KCNN2: variants seen among roughly 807,000 people sequenced by gnomAD.
The protein encoded by KCNN2 is small conductance calcium-activated potassium channel protein 2.
KCNN2 carries 24 observed loss-of-function variants against 55.5 expected under a neutral mutation model. The observed-to-expected ratio is 0.43, with a 90% CI of 0.31 to 0.61. The LOEUF is 0.61. KCNN2 is among the 20% of genes least tolerant of loss of function. KCNN2 has a pLI of 0.08. For synonymous variants in KCNN2, 431 were observed against 336.1 expected (o/e 1.28, Z -3.09); for missense variants, 754 against 853.6 (o/e 0.88, Z 1.45).
In KCNN2 at chr5:114,290,116, C is replaced by T. The variant is rs368550849; in HGVS notation, c.-185+68551C>T. On this transcript the variant is annotated intron_variant, in intron 2 of 10. Transcript: ENST00000512097. ...TCTGGCCTTGGTATTGGTGTGGCCT[C>T]ATAGAATGAGTTAGAATATGTTCCC... Among the ~76,000 whole-genome samples, 194 of 152,240 alleles carry T rather than the reference C, an allele frequency of 1.3e-3. 3 individuals carry two copies. Among genetic ancestry groups the T allele is most frequent in the African/African-American group, 4.2e-3 (176 of 41,554 alleles).
chr5:114,059,432 G>C (rs1022722075), intron 1 of KCNN2, among the ~76,000 whole-genome samples: 21 of 152,192 alleles, frequency 1.4e-4, no homozygotes, highest in African/African-American at 5.1e-4. Context: ...TGAGCATATA[G>C]GTGATATAGT....
intron 2 of KCNN2, among the ~76,000 whole-genome samples, chr5:114,279,967 T>C (rs1311938761): frequency 6.6e-6 from 1 of 152,172 alleles, no homozygotes; most frequent in Non-Finnish European, 1.5e-5. Flanking sequence ...ACCTGTTGTT[T>C]CCTGACTTTT....
intron 2 of KCNN2, among the ~76,000 whole-genome samples, chr5:114,277,453 C>A (rs531619549): frequency 6.6e-6 from 1 of 152,266 alleles, no homozygotes; most frequent in East Asian, 1.9e-4. Flanking sequence ...GGTCCATTCT[C>A]CCCGTCACTT....
intron 1 of KCNN2, among the ~76,000 whole-genome samples, chr5:114,110,204 G>T (rs774569323): frequency 5.9e-5 from 9 of 151,990 alleles, no homozygotes; most frequent in African/African-American, 2.2e-4. Context: ...ATATTTTGTT[G>T]TATCAGCACA....
At chr5:114,276,184 G>C (rs1281541281) in intron 2 of KCNN2, among the ~76,000 whole-genome samples, 2 of 152,186 alleles carry the variant, frequency 1.3e-5, no homozygotes, top group African/African-American at 4.8e-5. Flanking sequence ...TTGCACAGTG[G>C]TCTGAGAGAC....
At position 114,395,902 on chromosome 5, in the gene KCNN2, C is replaced by CT. The variant is rs1413664006; in HGVS notation, c.1219-8533dup. ...CTTGAGTACTGTTTTGTTCTCTTCA[C>CT]TTTGTCTAATTTTTCCTTTGATCTC... On this transcript the variant is annotated intron_variant, in intron 2 of 7. Coordinates refer to ENST00000673685, the MANE Select transcript of KCNN2 (RefSeq NM_021614.4). Among the ~76,000 whole-genome samples, 7 of 152,258 alleles carry CT rather than the reference C, an allele frequency of 4.6e-5. No homozygotes were observed. In the East Asian group the frequency reaches 1.4e-3, roughly 29 times the overall value.
intron 1 of KCNN2, among the ~76,000 whole-genome samples, chr5:114,059,201 CAAAA>C (rs1400698987): frequency 6.6e-6 from 1 of 152,018 alleles, no homozygotes; most frequent in Non-Finnish European, 1.5e-5. Flanking sequence ...AGAGAGGAAA[CAAAA>C]GAAATTCCTG....
At chr5:114,242,675 G>A (rs1580653822) in intron 2 of KCNN2, among the ~76,000 whole-genome samples, 2 of 152,292 alleles carry the variant, frequency 1.3e-5, no homozygotes, top group Non-Finnish European at 2.9e-5. Context: ...AGGAAGGAAG[G>A]AAGCAAATCG....
intron 1 of KCNN2, among the ~76,000 whole-genome samples, chr5:114,080,569 A>G (rs527896007): frequency 1.2e-4 from 19 of 152,282 alleles, no homozygotes; most frequent in African/African-American, 4.6e-4. Flanking sequence ...ACTCGTTGAT[A>G]TATAATTATT....
At chr5:114,059,868 G>A (rs897119174) in intron 1 of KCNN2, among the ~76,000 whole-genome samples, 1 of 152,182 alleles carries the variant, frequency 6.6e-6, no homozygotes, top group Admixed American at 6.5e-5. Context: ...CATGGGTGAT[G>A]GGAGACAGTG....
chr5:114,300,555 T>A (rs1333430729), intron 2 of KCNN2, among the ~76,000 whole-genome samples: 1 of 152,186 alleles, frequency 6.6e-6, no homozygotes, highest in Non-Finnish European at 1.5e-5. Flanking sequence ...GATTCATAAA[T>A]GTAGTGAGAC....
intron 1 of KCNN2, among the ~76,000 whole-genome samples, chr5:114,208,852 T>TA (rs1375785228): frequency 6.6e-6 from 1 of 152,186 alleles, no homozygotes; most frequent in African/African-American, 2.4e-5. Flanking sequence ...TCAGGAGACT[T>TA]ACATGACCTC....
rs1259719073 is a variant in KCNN2 at position 114,436,966 on chromosome 5, C to A, written c.1638-26083C>A. ...TGTAAGTAGCACTTTGAGCTAGAGG[C>A]TACCATATTGGACAGCACAGATTTA... On this transcript the variant is annotated intron_variant, in intron 3 of 7. Coordinates refer to ENST00000673685, the MANE Select transcript of KCNN2 (RefSeq NM_021614.4). Among the ~76,000 whole-genome samples, 4 of 152,138 alleles carry A rather than the reference C, an allele frequency of 2.6e-5. No homozygotes were observed. In the East Asian group the frequency reaches 7.7e-4, roughly 29 times the overall value.
Position 114,449,904 on chromosome 5 carries a change from ACACACG to A in KCNN2, c.1638-13143_1638-13138del, listed in dbSNP as rs200906578. Among the ~76,000 whole-genome samples the A allele has an allele frequency of 0.04, 1,180 of 29,464 alleles. 30 individuals carry two copies. The East Asian group carries it at 0.52, about 13-fold the overall frequency. The allele number at this position is 29,464 out of a possible 152,430, so 19.3% of individuals were successfully genotyped here. On this transcript the variant is annotated intron_variant, in intron 3 of 7. Coordinates refer to ENST00000673685, the MANE Select transcript of KCNN2 (RefSeq NM_021614.4). ...TACACACACACACACACACACACAC[ACACACG>A]CGCGCGCTCGCGTGCGCGCACTCTT... is the stretch of plus-strand genomic sequence containing the variant.
At chr5:114,141,284 C>G (rs1752274021) in intron 1 of KCNN2, among the ~76,000 whole-genome samples, 1 of 152,078 alleles carries the variant, frequency 6.6e-6, no homozygotes, top group Non-Finnish European at 1.5e-5. Context: ...TCTGTCTCCC[C>G]CAACCCCACG....
chr5:114,146,904 T>C (rs1752409878), intron 1 of KCNN2, among the ~76,000 whole-genome samples: 1 of 152,182 alleles, frequency 6.6e-6, no homozygotes, highest in Non-Finnish European at 1.5e-5. Context: ...GTGGTTTCAG[T>C]TTCTGACAGG....
intron 3 of KCNN2, 71 bp downstream of exon 3, chr5:114,404,927 T>C: frequency 7.1e-7 from 1 of 1,402,910 alleles, no homozygotes; most frequent in Non-Finnish European, 9.7e-7. Context: ...AAAAAAAATT[T>C]TAGACTTGAG....
chr5:114,449,922 G>A (rs1052832003), intron 3 of KCNN2, among the ~76,000 whole-genome samples: 7 of 144,470 alleles, frequency 4.8e-5, no homozygotes, highest in African/African-American at 1.1e-4. Context: ...GCGCGCTCGC[G>A]TGCGCGCACT....
chr5:114,104,010 C>T (rs1268078070), intron 1 of KCNN2, among the ~76,000 whole-genome samples: 2 of 152,114 alleles, frequency 1.3e-5, no homozygotes, highest in African/African-American at 4.8e-5. Context: ...GTACCAGCTC[C>T]TCTTTTTAGC....
Sources: allele counts gnomAD v4.1 joint callset (sites outside exome capture counted in the v4.1 genomes callset), GRCh38; gene constraint gnomAD v4.1.1; transcripts MANE v1.5; gene names NCBI Gene and HGNC (gene_info 2026-07-23, HGNC 2026-07-21).